The following TPTE variants were observed in gnomAD, a reference collection of about 807,000 sequenced individuals.
TPTE encodes the protein putative tyrosine-protein phosphatase TPTE.
In TPTE, 59 loss-of-function variants were observed where a neutral mutation model predicts 84.1. That is an observed-to-expected ratio of 0.70 (90% CI 0.57 to 0.87). The LOEUF (loss-of-function observed/expected upper bound fraction) is 0.87, where lower values mean the gene tolerates loss of function less well. Among genes scored for constraint, TPTE ranks in the 40% least tolerant of loss-of-function variants. The probability of loss-of-function intolerance (pLI) is 0.00; values close to 1 mark genes in which losing one functional copy is unlikely to be tolerated. For synonymous variants in TPTE, 130 were observed against 223.5 expected (o/e 0.58, Z 3.73); for missense variants, 382 against 659.6 (o/e 0.58, Z 4.61).
intron 4 of TPTE, among the ~76,000 whole-genome samples, chr21:10,539,125 G>C (rs1206937096): frequency 1.3e-5 from 2 of 152,306 alleles, no homozygotes; most frequent in Non-Finnish European, 2.9e-5. Flanking sequence ...CTAGTAAGCA[G>C]CAGCTTAAAG....
chr21:10,586,762 C>A (rs2075374309), intron 17 of TPTE, among the ~76,000 whole-genome samples: 4 of 152,306 alleles, frequency 2.6e-5, no homozygotes, highest in Admixed American at 2.6e-4. Context: ...TATGTTGAGC[C>A]TGCATCTAGA....
intron 10 of TPTE, among the ~76,000 whole-genome samples, chr21:10,566,650 T>G (rs1436833301): frequency 6.6e-6 from 1 of 152,302 alleles, no homozygotes; most frequent in Non-Finnish European, 1.5e-5. Flanking sequence ...ATAGTACATA[T>G]ACACAAGAGA....
At chr21:10,541,210 A>T in intron 5 of TPTE, 45 bp downstream of exon 5, 1 of 1,609,410 alleles carries the variant, frequency 6.2e-7, no homozygotes, top group Admixed American at 1.7e-5. Flanking sequence ...AATGGTTCAC[A>T]CCTGTAATCT....
intron 10 of TPTE, 134 bp downstream of exon 10, chr21:10,561,325 C>T (rs1230424877): frequency 7.9e-6 from 10 of 1,266,234 alleles, no homozygotes; most frequent in Non-Finnish European, 9.7e-6. Flanking sequence ...AACCCCGTCT[C>T]TACTAAAAAT....
intron 17 of TPTE, among the ~76,000 whole-genome samples, chr21:10,581,901 A>G (rs1289729062): frequency 6.6e-6 from 1 of 152,306 alleles, no homozygotes; most frequent in African/African-American, 2.4e-5. Context: ...TGCCTGGCTA[A>G]TTTTTGTATT....
intron 8 of TPTE, among the ~76,000 whole-genome samples, chr21:10,555,976 T>C (rs1171201890): frequency 6.6e-6 from 1 of 152,304 alleles, no homozygotes; most frequent in East Asian, 1.9e-4. Context: ...ATCAATACTA[T>C]TATTCATGAT....
intron 1 of TPTE, among the ~76,000 whole-genome samples, chr21:10,522,091 G>A (rs534469720): frequency 3.3e-5 from 5 of 152,036 alleles, no homozygotes; most frequent in African/African-American, 1.2e-4. Flanking sequence ...GCGCCCGCCC[G>A]GTCCTGCGGA....
chr21:10,556,020 T>C (rs1014090644), intron 8 of TPTE, among the ~76,000 whole-genome samples: 1 of 152,308 alleles, frequency 6.6e-6, no homozygotes, highest in African/African-American at 2.4e-5. Flanking sequence ...TAGAATCATT[T>C]ATTTACATTT....
At chr21:10,543,790 T>A (rs7278631) in intron 7 of TPTE, among the ~76,000 whole-genome samples, 3,665 of 150,794 alleles carry the variant, frequency 0.024, 1 homozygote, top group African/African-American at 0.087. Context: ...TTTGAGACCC[T>A]ACCATAGTGT....
At chr21:10,603,226 A>G (rs1442149493) in intron 22 of TPTE, among the ~76,000 whole-genome samples, 7 of 152,294 alleles carry the variant, frequency 4.6e-5, no homozygotes, top group African/African-American at 1.4e-4. Flanking sequence ...ATTCACTACA[A>G]TGTAGTTGGG....
chr21:10,546,147 T>C (rs1210597211), intron 7 of TPTE, among the ~76,000 whole-genome samples: 2 of 152,306 alleles, frequency 1.3e-5, no homozygotes, highest in Non-Finnish European at 2.9e-5. Flanking sequence ...GTGTTCTCAC[T>C]TTGTGTCTCT....
At chr21:10,535,249 A>G (rs921769989) in intron 3 of TPTE, among the ~76,000 whole-genome samples, 1 of 152,310 alleles carries the variant, frequency 6.6e-6, no homozygotes, top group African/African-American at 2.4e-5. Context: ...GTAGTAACCT[A>G]TGATAGAGCC....
chr21:10,551,585 A>G (rs1392651588), intron 7 of TPTE, among the ~76,000 whole-genome samples: 1 of 152,306 alleles, frequency 6.6e-6, no homozygotes, highest in Admixed American at 6.5e-5. Context: ...AATGAAGACC[A>G]AACAGAAATA....
intron 10 of TPTE, among the ~76,000 whole-genome samples, chr21:10,565,028 A>AT (rs1226198652): frequency 1.3e-5 from 2 of 152,310 alleles, no homozygotes; most frequent in African/African-American, 4.8e-5. Context: ...AAGAAAGGGA[A>AT]TAAAAAAAGA....
At chr21:10,604,160 A>G (rs1423257154) in intron 23 of TPTE, among the ~76,000 whole-genome samples, 1 of 152,310 alleles carries the variant, frequency 6.6e-6, no homozygotes, top group African/African-American at 2.4e-5. Flanking sequence ...ATAGCCATTC[A>G]AATATGGCTT....
chr21:10,532,005 T>G (rs1490839735), intron 3 of TPTE, among the ~76,000 whole-genome samples: 6 of 152,308 alleles, frequency 3.9e-5, no homozygotes, highest in Non-Finnish European at 8.8e-5. Flanking sequence ...TTTGGTCCAT[T>G]GATACTTATG....
intron 7 of TPTE, among the ~76,000 whole-genome samples, chr21:10,547,933 A>G (rs1342296742): frequency 6.6e-6 from 1 of 152,308 alleles, no homozygotes; most frequent in African/African-American, 2.4e-5. Flanking sequence ...GAGGCCCCTA[A>G]GCCTCTGAGC....
intron 10 of TPTE, among the ~76,000 whole-genome samples, chr21:10,564,316 CCTG>C (rs1435127386): frequency 2.6e-5 from 4 of 152,428 alleles, no homozygotes; most frequent in Admixed American, 1.3e-4. Flanking sequence ...TCGAGACCAG[CCTG>C]GCCAATATGG....
rs368741226 is a variant in TPTE, at chr21:10,578,610, T to C, written c.1027+5T>C. ...TTCACTGTAAAGGAGGCACAGGTAA[T>C]AACATTTTCCTTTTTATTTCTCCAT... On this transcript the variant is annotated splice_donor_5th_base_variant and intron_variant, in intron 17 of 23. Transcript: ENST00000618007. 140 of 1,611,626 alleles carry C rather than the reference T, an allele frequency of 8.7e-5. No individual in the cohort carries two copies. Among genetic ancestry groups the C allele is most frequent in the Non-Finnish European group, 1.1e-4 (134 of 1,179,624 alleles).
Sources: gnomAD v4.1 joint callset for allele counts (sites outside exome capture counted in the v4.1 genomes callset) on GRCh38, gnomAD v4.1.1 for gene constraint, MANE v1.5 for transcripts, NCBI Gene and HGNC (gene_info 2026-07-23, HGNC 2026-07-21) for gene names.